Variants in PTPRD observed in about 807,000 individuals in gnomAD.
PTPRD encodes receptor-type tyrosine-protein phosphatase delta.
Under a neutral mutation model 214.5 loss-of-function variants are expected in PTPRD, and 34 were observed. That is an observed-to-expected ratio of 0.16 (90% CI 0.12 to 0.21). PTPRD has a LOEUF of 0.21. Ranked by LOEUF, PTPRD falls within the 10% of genes least tolerant of loss-of-function variation. The pLI is 1.00. For missense variants in PTPRD, 2,545 were observed against 2,398.7 expected (o/e 1.06, Z -1.27); for synonymous variants, 1,128 against 845.7 (o/e 1.33, Z -5.79).
chr9:8,818,632 A>G (rs968073342), intron 11 of PTPRD, among the ~76,000 whole-genome samples: 1 of 152,238 alleles, frequency 6.6e-6, no homozygotes. Context: ...AGAATGCAAA[A>G]TCATACCTAC....
At chr9:8,446,124 GTCTTT>G in intron 34 of PTPRD, among the ~76,000 whole-genome samples, 1 of 152,284 alleles carries the variant, frequency 6.6e-6, no homozygotes, top group South Asian at 2.1e-4. Flanking sequence ...AGGTTTCTCT[GTCTTT>G]TCTTTGTGCC....
intron 5 of PTPRD, among the ~76,000 whole-genome samples, chr9:9,913,521 G>A (rs1348269017): frequency 2.0e-5 from 3 of 152,138 alleles, no homozygotes; most frequent in South Asian, 2.1e-4. Context: ...CTGGAGTGTC[G>A]AAGGGAAAGG....
chr9:9,146,227 G>C (rs986936512), intron 10 of PTPRD, among the ~76,000 whole-genome samples: 1 of 152,008 alleles, frequency 6.6e-6, no homozygotes, highest in Non-Finnish European at 1.5e-5. Context: ...ATTAAACACT[G>C]CTGTGCATGG....
intron 2 of PTPRD, among the ~76,000 whole-genome samples, chr9:10,518,912 T>A (rs989949173): frequency 6.6e-6 from 1 of 152,024 alleles, no homozygotes; most frequent in Non-Finnish European, 1.5e-5. Flanking sequence ...ATCCTCTTCA[T>A]ACATAAAAGA....
chr9:9,591,840 G>C (rs1182441883), intron 7 of PTPRD, among the ~76,000 whole-genome samples: 2 of 151,882 alleles, frequency 1.3e-5, no homozygotes, highest in South Asian at 4.1e-4. Context: ...TTATTTTATA[G>C]CCATTTTGAA....
Position 10,427,340 on chromosome 9 carries a change from A to C in PTPRD, c.-599-86323T>G, listed in dbSNP as rs143361551. On this transcript the variant is annotated intron_variant, in intron 2 of 45. Transcript: ENST00000381196. ...GCCTCACTAAATATGATTATAACAA[A>C]CATTGTCAAGAAAAATAACCTTTTA... Among the ~76,000 whole-genome samples the C allele has an allele frequency of 2.4e-3, 364 of 152,222 alleles. 1 individual carries two copies. Among genetic ancestry groups the C allele is most frequent in the African/African-American group, 7.3e-3 (304 of 41,576 alleles).
chr9:9,681,604 T>C (rs2097073129), intron 7 of PTPRD, among the ~76,000 whole-genome samples: 1 of 151,770 alleles, frequency 6.6e-6, no homozygotes, highest in African/African-American at 2.4e-5. Flanking sequence ...TCTCTTTTAA[T>C]CAGGCCATCT....
chr9:9,401,498 T>G (rs2070459666), intron 8 of PTPRD, among the ~76,000 whole-genome samples: 1 of 152,014 alleles, frequency 6.6e-6, no homozygotes, highest in African/African-American at 2.4e-5. Flanking sequence ...GTATGAAGGG[T>G]AATTGGTATG....
At chr9:9,576,817 C>G (rs920158530) in intron 7 of PTPRD, among the ~76,000 whole-genome samples, 1 of 152,008 alleles carries the variant, frequency 6.6e-6, no homozygotes, top group Non-Finnish European at 1.5e-5. Flanking sequence ...TATTTTAGCA[C>G]GATCAGATGC....
intron 11 of PTPRD, among the ~76,000 whole-genome samples, chr9:8,753,124 A>G (rs1598756428): frequency 6.6e-6 from 1 of 152,196 alleles, no homozygotes. Flanking sequence ...AAAGTAAGGT[A>G]CGTTATTCTG....
At chr9:9,537,375 T>G (rs987897674) in intron 8 of PTPRD, among the ~76,000 whole-genome samples, 35 of 152,044 alleles carry the variant, frequency 2.3e-4, no homozygotes, top group African/African-American at 8.4e-4. Flanking sequence ...AGTGGAGAAT[T>G]ATGGGTAACA....
At chr9:8,771,975 T>TA (rs920815981) in intron 11 of PTPRD, among the ~76,000 whole-genome samples, 1 of 151,932 alleles carries the variant, frequency 6.6e-6, no homozygotes, top group African/African-American at 2.4e-5. Context: ...GAATAATTAC[T>TA]AAAAAAAGAA....
At chr9:9,893,421 G>T (rs901409362) in intron 5 of PTPRD, among the ~76,000 whole-genome samples, 2 of 151,962 alleles carry the variant, frequency 1.3e-5, no homozygotes, top group Non-Finnish European at 2.9e-5. Flanking sequence ...TCAAAATAAT[G>T]AGATGGAGGA....
At position 9,827,778 on chromosome 9, in the gene PTPRD, T is replaced by C. The variant is rs184689982; in HGVS notation, c.-367-60927A>G. On this transcript the variant is annotated intron_variant, in intron 5 of 45. Transcript: ENST00000381196. ...ACTCATCTGACAAAGGGCTAATATCTAGAATCTACAAAGAACTCAAACAAA... is the reference window on the plus strand; with the variant it reads ...ACTCATCTGACAAAGGGCTAATATCCAGAATCTACAAAGAACTCAAACAAA... Among the ~76,000 whole-genome samples, 627 of 151,990 alleles carry C rather than the reference T, an allele frequency of 4.1e-3. 6 individuals carry two copies. Among genetic ancestry groups the C allele is most frequent in the African/African-American group, 0.011 (438 of 41,466 alleles).
intron 8 of PTPRD, among the ~76,000 whole-genome samples, chr9:9,464,231 C>T (rs894609891): frequency 6.6e-6 from 1 of 152,142 alleles, no homozygotes; most frequent in African/African-American, 2.4e-5. Flanking sequence ...GTAACATACC[C>T]ATCACCCAAA....
rs1373157436 is a variant in PTPRD, at chr9:9,550,848, G to A, written c.-237+23884C>T. On this transcript the variant is annotated intron_variant, in intron 8 of 45. Coordinates refer to ENST00000381196, the MANE Select transcript of PTPRD (RefSeq NM_002839.4). ...AGAGTATATAAGTACATGAAAATAT[G>A]TTCAATATCATTAGCCATCAATGTA... 2.6e-5 allele frequency among the ~76,000 whole-genome samples: 4 copies of A among 151,832 alleles called. No homozygotes were observed. The East Asian group carries it at 5.8e-4, about 22-fold the overall frequency.
intron 7 of PTPRD, among the ~76,000 whole-genome samples, chr9:9,666,473 T>C (rs2096724783): frequency 6.6e-6 from 1 of 152,044 alleles, no homozygotes; most frequent in African/African-American, 2.4e-5. Flanking sequence ...TTTGTGTGGC[T>C]TTTACTTTCT....
intron 3 of PTPRD, among the ~76,000 whole-genome samples, chr9:10,039,134 C>A (rs1259670182): frequency 6.6e-6 from 1 of 152,030 alleles, no homozygotes; most frequent in Non-Finnish European, 1.5e-5. Context: ...AACTCAATTT[C>A]CTATAGAATT....
chr9:10,604,498 G>C (rs1000136573), intron 2 of PTPRD, among the ~76,000 whole-genome samples: 5 of 151,760 alleles, frequency 3.3e-5, no homozygotes, highest in Non-Finnish European at 7.4e-5. Flanking sequence ...ATCCTCCTGA[G>C]GGGCAGGAAA....
Sources: allele counts gnomAD v4.1 joint callset (sites outside exome capture counted in the v4.1 genomes callset), GRCh38; gene constraint gnomAD v4.1.1; transcripts MANE v1.5; gene names NCBI Gene and HGNC (gene_info 2026-07-23, HGNC 2026-07-21).